ELP4: variants seen among roughly 807,000 people sequenced by gnomAD.
The protein encoded by ELP4 is elongator complex protein 4.
ELP4 carries 51 observed loss-of-function variants against 48.9 expected under a neutral mutation model. The observed-to-expected ratio is 1.04, with a 90% CI of 0.83 to 1.32. The LOEUF (loss-of-function observed/expected upper bound fraction) is 1.32, where lower values mean the gene tolerates loss of function less well. ELP4 is among the 40% of genes most tolerant of loss of function. The pLI is 0.00. For missense variants in ELP4, 519 were observed against 514.6 expected (o/e 1.01, Z -0.08); for synonymous variants, 210 against 189.2 (o/e 1.11, Z -0.90).
chr11:31,640,221 C>G (rs1180604468), intron 7 of ELP4, among the ~76,000 whole-genome samples: 2 of 151,844 alleles, frequency 1.3e-5, no homozygotes, highest in East Asian at 3.9e-4. Flanking sequence ...GTATAGAAAA[C>G]AAGTACAACT....
chr11:31,697,910 AAAC>A, intron 9 of ELP4, among the ~76,000 whole-genome samples: 1 of 152,340 alleles, frequency 6.6e-6, no homozygotes, highest in East Asian at 1.9e-4. Context: ...AGTTAAAAAA[AAAC>A]CCATTGAACT....
At chr11:31,632,020 T>A (rs1944871104) in intron 6 of ELP4, among the ~76,000 whole-genome samples, 197 bp from the exon 7 acceptor site, 1 of 152,096 alleles carries the variant, frequency 6.6e-6, no homozygotes, top group African/African-American at 2.4e-5. Context: ...TTTCAAAAGT[T>A]AAAGTTATTT....
chr11:31,617,134 T>C (rs988270911), intron 5 of ELP4, among the ~76,000 whole-genome samples: 2 of 152,126 alleles, frequency 1.3e-5, no homozygotes, highest in Non-Finnish European at 2.9e-5. Context: ...GCAGCATTAT[T>C]TGCAGTTGGC....
chr11:31,590,282 G>T (rs1017189600), intron 3 of ELP4, among the ~76,000 whole-genome samples: 1 of 151,926 alleles, frequency 6.6e-6, no homozygotes, highest in Non-Finnish European at 1.5e-5. Context: ...TACTAAATTT[G>T]TTCACTGCTG....
intron 2 of ELP4, among the ~76,000 whole-genome samples, chr11:31,535,365 C>G (rs1424658670): frequency 1.3e-5 from 2 of 151,980 alleles, no homozygotes; most frequent in African/African-American, 2.4e-5. Flanking sequence ...ATTTTTGAGC[C>G]AGGTTCTCGT....
At chr11:31,772,847 C>T (rs1289862687) in intron 9 of ELP4, among the ~76,000 whole-genome samples, 1 of 152,248 alleles carries the variant, frequency 6.6e-6, no homozygotes, top group East Asian at 1.9e-4. Context: ...CTTACTCCCT[C>T]TCCAGGCATG....
rs192707716 is a variant in ELP4 at position 31,694,901 on chromosome 11, T to C, written c.1143+44680T>C. Among the ~76,000 whole-genome samples the C allele has an allele frequency of 3.4e-4, 52 of 152,282 alleles. 1 individual carries two copies. The highest frequency in any genetic ancestry group is 1.8e-3 in the Admixed American group (27 of 15,294). ...ATCCCTTGTAAGTTGGATTCCTAGG[T>C]ATTTTATTCTCTTTGAAGCAGTTGT... On this transcript the variant is annotated intron_variant, in intron 9 of 9. Coordinates refer to ENST00000640961, the MANE Select transcript of ELP4 (RefSeq NM_019040.5).
chr11:31,554,351 G>C (rs1024809518), intron 3 of ELP4, among the ~76,000 whole-genome samples: 4 of 151,894 alleles, frequency 2.6e-5, no homozygotes, highest in South Asian at 2.1e-4. Flanking sequence ...GCATAGGTTT[G>C]GTTTTGTTTT....
chr11:31,653,186 C>CA (rs1321318093), intron 9 of ELP4: 1 of 151,662 alleles, frequency 6.6e-6, no homozygotes, highest in Non-Finnish European at 1.5e-5. Flanking sequence ...AAATTAGCCC[C>CA]TTTACAAAAA....
intron 9 of ELP4, among the ~76,000 whole-genome samples, chr11:31,684,632 C>T (rs995027564): frequency 1.3e-5 from 2 of 152,138 alleles, no homozygotes; most frequent in African/African-American, 2.4e-5. Context: ...CAGACCCATA[C>T]GTATATGATC....
intron 5 of ELP4, among the ~76,000 whole-genome samples, chr11:31,608,501 G>C (rs553378774): frequency 1.5e-4 from 22 of 150,220 alleles, no homozygotes; most frequent in African/African-American, 4.9e-4. Context: ...TCTTTTAACT[G>C]TATTTTGATG....
intron 9 of ELP4, among the ~76,000 whole-genome samples, chr11:31,745,917 T>C (rs1947578422): frequency 6.6e-6 from 1 of 152,132 alleles, no homozygotes; most frequent in Admixed American, 6.5e-5. Flanking sequence ...AAAGAACTTC[T>C]GCACAGCAAA....
At chr11:31,743,703 A>T (rs1947511991) in intron 9 of ELP4, among the ~76,000 whole-genome samples, 1 of 152,180 alleles carries the variant, frequency 6.6e-6, no homozygotes, top group African/African-American at 2.4e-5. Context: ...AACCAACGAG[A>T]ACAAAGACAC....
At chr11:31,697,254 G>A (rs1946428515) in intron 9 of ELP4, among the ~76,000 whole-genome samples, 1 of 152,132 alleles carries the variant, frequency 6.6e-6, no homozygotes, top group African/African-American at 2.4e-5. Flanking sequence ...GACTTTAGAA[G>A]AGTTATCTCT....
intron 2 of ELP4, among the ~76,000 whole-genome samples, chr11:31,528,113 A>G (rs1338561600): frequency 1.3e-5 from 2 of 152,000 alleles, no homozygotes; most frequent in Non-Finnish European, 2.9e-5. Context: ...TTCCTTCTGT[A>G]TACTTCTGTA....
chr11:31,562,553 C>G (rs1957038995), intron 3 of ELP4, among the ~76,000 whole-genome samples: 1 of 152,102 alleles, frequency 6.6e-6, no homozygotes, highest in Non-Finnish European at 1.5e-5. Context: ...TAACAAGCAT[C>G]ATTATTGTCA....
rs116875142 is a variant in ELP4, at chr11:31,535,015, C to T, written c.260-4647C>T. ...TGTCTCTGCTAGCTTTTCCATCTGT[C>T]AGCTGTAAGCAATGCAGAAGCATTG... On this transcript the variant is annotated intron_variant, in intron 2 of 9. Transcript: ENST00000640961. Among the ~76,000 whole-genome samples, 245 of 152,274 alleles carry T rather than the reference C, an allele frequency of 1.6e-3. 5 individuals carry two copies. In the East Asian group the frequency reaches 0.039, roughly 24 times the overall value.
chr11:31,773,955 G>A (rs1416921600), intron 9 of ELP4, among the ~76,000 whole-genome samples: 1 of 152,148 alleles, frequency 6.6e-6, no homozygotes, highest in Admixed American at 6.5e-5. Flanking sequence ...TGAGGCCAGA[G>A]GATTGCTGAG....
chr11:31,789,051 A>G lies in ELP4; in HGVS notation c.*5527A>G, dbSNP rs1274588839. The G allele has an allele frequency of 2.5e-5, 5 of 202,070 alleles. No individual in the cohort carries two copies. Among genetic ancestry groups the G allele is most frequent in the Non-Finnish European group, 5.1e-5 (5 of 97,966 alleles). The allele number at this position is 202,070 out of a possible 1,614,324, so 12.5% of individuals were successfully genotyped here. On this transcript the variant is annotated 3_prime_UTR_variant, in exon 10 of 10. Coordinates refer to ENST00000640961, the MANE Select transcript of ELP4 (RefSeq NM_019040.5). ...TTTAAAACTCTTGCAAGCACTTTTAATTGATTAGGAATGAACTCTAGATGC... is the reference window on the plus strand; with the variant it reads ...TTTAAAACTCTTGCAAGCACTTTTAGTTGATTAGGAATGAACTCTAGATGC...
Sources: allele counts gnomAD v4.1 joint callset (sites outside exome capture counted in the v4.1 genomes callset), GRCh38; gene constraint gnomAD v4.1.1; transcripts MANE v1.5; gene names NCBI Gene and HGNC (gene_info 2026-07-23, HGNC 2026-07-21).